The following ZNF33A variants were observed in gnomAD, a reference collection of about 807,000 sequenced individuals.
ZNF33A encodes brain my041 protein.
A neutral mutation model predicts 15.9 loss-of-function variants in ZNF33A; 9 were observed. That is an observed-to-expected ratio of 0.57 (90% confidence interval 0.34 to 0.99). ZNF33A has a LOEUF of 0.99. Among genes scored for constraint, ZNF33A ranks in the 50% least tolerant of loss-of-function variants. The probability of loss-of-function intolerance (pLI) is 0.02; values close to 1 mark genes in which losing one functional copy is unlikely to be tolerated. For synonymous variants in ZNF33A, 294 were observed against 324.2 expected (o/e 0.91, Z 1.00); for missense variants, 843 against 941.6 (o/e 0.90, Z 1.37).
At chr10:38,039,575 G>A in intron 4 of ZNF33A, 3 of 453,908 alleles carry the variant, frequency 6.6e-6, no homozygotes, top group Non-Finnish European at 1.3e-5. Context: ...TACTTGTGTA[G>A]GTCTTTTCAG....
chr10:38,013,063 T>C (rs186706933), intron 2 of ZNF33A, among the ~76,000 whole-genome samples: 5 of 152,344 alleles, frequency 3.3e-5, no homozygotes, highest in Admixed American at 2.0e-4. Flanking sequence ...GGTTCCAGTT[T>C]TCTTTTGGAT....
chr10:38,018,756 T>C (rs1041161908), intron 4 of ZNF33A, among the ~76,000 whole-genome samples: 1 of 152,030 alleles, frequency 6.6e-6, no homozygotes, highest in Non-Finnish European at 1.5e-5. Context: ...ACAAAAGAAC[T>C]AACATTTGTA....
chr10:38,055,359 C>A lies in ZNF33A; in HGVS notation c.1235C>A (p.Pro412His). 4 of 1,614,028 alleles carry A rather than the reference C, an allele frequency of 2.5e-6. No individual in the cohort carries two copies. In the South Asian group the frequency reaches 4.4e-5, roughly 18 times the overall value. The change falls in exon 5 of 5, where the codon CCC becomes CAC. Residue 412 changes from proline to histidine, a missense_variant. Transcript: ENST00000432900. The stretch of plus-strand genomic sequence containing the variant: ...CAGAGAACACATACAGGGGAGAAAC[C>A]CTATCAATGTAATGCGTGTGGGAAA... ...LHQRTHTGEK[P>H]YQCNACGKTF... is the part of the protein sequence containing the mutation.
At position 38,056,624 on chromosome 10, in the gene ZNF33A, A is replaced by C; in HGVS notation, c.*64A>C. On this transcript the variant is annotated 3_prime_UTR_variant, in exon 5 of 5. Transcript: ENST00000432900. ...GTAGGGGATAAACCCATAGACTACA[A>C]CAATTATAGGACAGCTTTTGTTAGG... The C allele has an allele frequency of 6.7e-7, 1 of 1,497,330 alleles. No individual in the cohort carries two copies. The highest frequency in any genetic ancestry group is 8.9e-7 in the Non-Finnish European group (1 of 1,129,736). 92.8% of individuals were successfully genotyped at this position (1,497,330 alleles called of 1,614,324 possible).
Position 38,055,671 on chromosome 10 carries a change from A to T in ZNF33A, c.1547A>T (p.Gln516Leu). The change falls in exon 5 of 5, where the codon CAG (glutamine) becomes CTG (leucine). Residue 516 changes from glutamine to leucine, a missense_variant. Gln to Leu is a moderately radical substitution (Grantham distance 113). Coordinates refer to ENST00000432900, the MANE Select transcript of ZNF33A (RefSeq NM_006954.2). ...CACAAGTCATTACTCACCAGGCATC[A>T]GATAATTCATACAGGGTGGAAACCT... ...FYHKSLLTRH[Q>L]IIHTGWKPYE... 6.2e-7 allele frequency: 1 copy of T among 1,614,074 alleles called. No individual in the cohort carries two copies. The highest frequency in any genetic ancestry group is 8.5e-7 in the Non-Finnish European group (1 of 1,180,002).
chr10:38,061,476 C>G (rs138399183), downstream of ZNF33A, among the ~76,000 whole-genome samples: 145 of 152,292 alleles, frequency 9.5e-4, 1 homozygote, highest in African/African-American at 3.2e-3. Flanking sequence ...GCCAGTGTGC[C>G]TGAGCGTGGC....
intron 4 of ZNF33A, among the ~76,000 whole-genome samples, chr10:38,049,551 G>T (rs1055405615): frequency 2.0e-5 from 3 of 152,006 alleles, no homozygotes; most frequent in Non-Finnish European, 4.4e-5. Context: ...AATGTATATT[G>T]TGTAAATTTC....
At chr10:38,066,138 T>C (rs1266794190), downstream of ZNF33A, among the ~76,000 whole-genome samples, 2 of 152,196 alleles carry the variant, frequency 1.3e-5, no homozygotes, top group Non-Finnish European at 2.9e-5. Flanking sequence ...GCATTTGATA[T>C]AAAACCCTGA....
At chr10:38,022,430 G>T (rs1291950692) in intron 4 of ZNF33A, among the ~76,000 whole-genome samples, 1 of 152,084 alleles carries the variant, frequency 6.6e-6, no homozygotes, top group East Asian at 1.9e-4. Context: ...GCCAAGGTGG[G>T]TGTATCACCT....
rs1195643686 is a variant in ZNF33A at position 38,030,746 on chromosome 10, G to A, written c.250+13360G>A. Among the ~76,000 whole-genome samples the A allele has an allele frequency of 2.0e-5, 3 of 152,136 alleles. No homozygotes were observed. The East Asian group carries it at 5.8e-4, about 29-fold the overall frequency. On this transcript the variant is annotated intron_variant, in intron 4 of 4. Transcript: ENST00000432900. ...ACACAAAAGGGATGGAGTTTGTGTG[G>A]TTTGAGTTTCCTACTGGCATTGAGG...
downstream of ZNF33A, among the ~76,000 whole-genome samples, chr10:38,061,905 C>A (rs2066658986): frequency 6.6e-6 from 1 of 152,112 alleles, no homozygotes; most frequent in Non-Finnish European, 1.5e-5. Context: ...TGCAGTGAGC[C>A]AAGTTGGTGC....
At chr10:38,017,537 T>A in intron 4 of ZNF33A, 151 bp downstream of exon 4, 1 of 558,484 alleles carries the variant, frequency 1.8e-6, no homozygotes, top group Non-Finnish European at 3.2e-6. Context: ...GATTCCTAAA[T>A]CAAACTTCCA....
At chr10:38,033,439 G>A (rs1430465457) in intron 4 of ZNF33A, among the ~76,000 whole-genome samples, 1 of 152,060 alleles carries the variant, frequency 6.6e-6, no homozygotes, top group Non-Finnish European at 1.5e-5. Flanking sequence ...TTTTCACATG[G>A]ACATGTATTT....
intron 4 of ZNF33A, among the ~76,000 whole-genome samples, chr10:38,051,462 A>C (rs2066201620): frequency 6.6e-6 from 1 of 152,158 alleles, no homozygotes; most frequent in Admixed American, 6.5e-5. Context: ...AAAATTACTT[A>C]CCATGCATTT....
chr10:38,042,253 G>T (rs1226902176), intron 4 of ZNF33A, among the ~76,000 whole-genome samples: 1 of 151,238 alleles, frequency 6.6e-6, no homozygotes, highest in Non-Finnish European at 1.5e-5. Context: ...GGCACCATCT[G>T]GGCTCACTGT....
chr10:38,055,018 G>A lies in ZNF33A; in HGVS notation c.894G>A (p.Met298Ile). 3 of 1,614,132 alleles carry A rather than the reference G, an allele frequency of 1.9e-6. No homozygotes were observed. In the South Asian group the frequency reaches 3.3e-5, roughly 18 times the overall value. Residue 298 changes from methionine (M) to isoleucine (I), a missense_variant, in exon 5 of 5, where the codon ATG becomes ATA. Physicochemically the swap from Met to Ile is conservative, Grantham distance 10. Transcript: ENST00000432900. ...STLSKPHGVS[M>I]KHYDCGESGN... ...TTTCTAAACCTCATGGGGTATCTAT[G>A]AAACACTATGATTGTGGTGAAAGTG... is the stretch of plus-strand genomic sequence containing the variant.
chr10:38,034,390 G>A (rs2065347733), intron 4 of ZNF33A, among the ~76,000 whole-genome samples: 1 of 152,164 alleles, frequency 6.6e-6, no homozygotes, highest in Non-Finnish European at 1.5e-5. Flanking sequence ...CAGTTGAGGA[G>A]TCCTGGTGAG....
chr10:38,038,864 C>G (rs2065568642), intron 4 of ZNF33A, among the ~76,000 whole-genome samples: 1 of 152,124 alleles, frequency 6.6e-6, no homozygotes, highest in Non-Finnish European at 1.5e-5. Flanking sequence ...TTTCTTTTCT[C>G]CTTACGTGGT....
At chr10:38,012,576 C>T (rs927992374) in intron 2 of ZNF33A, among the ~76,000 whole-genome samples, 1 of 151,748 alleles carries the variant, frequency 6.6e-6, no homozygotes, top group African/African-American at 2.4e-5. Context: ...GGACTGCAGG[C>T]GCATGCTGCC....
Sources: gnomAD v4.1 joint callset for allele counts (sites outside exome capture counted in the v4.1 genomes callset) on GRCh38, gnomAD v4.1.1 for gene constraint, MANE v1.5 for transcripts, NCBI Gene and HGNC (gene_info 2026-07-23, HGNC 2026-07-21) for gene names.